Variants in SPAG16 observed in about 807,000 individuals in gnomAD.
SPAG16 encodes the protein sperm associated antigen 16.
Under a neutral mutation model 80.4 loss-of-function variants are expected in SPAG16, and 86 were observed. The ratio of observed to expected loss-of-function variants is 1.07; its 90% CI spans 0.90 to 1.28. The LOEUF (loss-of-function observed/expected upper bound fraction) is 1.28, where lower values mean the gene tolerates loss of function less well. Among genes scored for constraint, SPAG16 ranks in the 50% most tolerant of loss-of-function variants. The pLI is 0.00. For synonymous variants in SPAG16, 294 were observed against 265.9 expected, an observed-to-expected ratio of 1.11 and a Z score of -1.03; for missense variants, 870 against 765.3, an observed-to-expected ratio of 1.14 and a Z score of -1.61.
intron 10 of SPAG16, among the ~76,000 whole-genome samples, chr2:213,764,159 G>A (rs1157204676): frequency 6.6e-6 from 1 of 152,140 alleles, no homozygotes; most frequent in African/African-American, 2.4e-5. Context: ...GAAAAATGCT[G>A]ACTATGTAAA....
At chr2:214,074,015 G>A (rs1376745110) in intron 13 of SPAG16, among the ~76,000 whole-genome samples, 1 of 152,122 alleles carries the variant, frequency 6.6e-6, no homozygotes, top group Non-Finnish European at 1.5e-5. Flanking sequence ...TAGGAGTGAG[G>A]CTATTGGGAG....
intron 10 of SPAG16, among the ~76,000 whole-genome samples, chr2:213,497,275 G>T (rs1297094864): frequency 6.6e-6 from 1 of 151,924 alleles, no homozygotes; most frequent in African/African-American, 2.4e-5. Context: ...TCTTTTTGGG[G>T]TGTGTTCTAT....
intron 10 of SPAG16, among the ~76,000 whole-genome samples, chr2:213,643,767 C>CTTTTTTTT (rs71063764): frequency 1.2e-4 from 6 of 52,028 alleles, no homozygotes; most frequent in African/African-American, 2.6e-4. Flanking sequence ...CTCACTACTT[C>CTTTTTTTT]TTTTTTTTTT....
chr2:213,622,914 G>T (rs1033438158), intron 10 of SPAG16, among the ~76,000 whole-genome samples: 1 of 152,106 alleles, frequency 6.6e-6, no homozygotes, highest in East Asian at 1.9e-4. Flanking sequence ...TTGATGCATC[G>T]ATTTGAATAA....
chr2:213,969,292 G>A (rs143114963), intron 12 of SPAG16, among the ~76,000 whole-genome samples: 1 of 152,318 alleles, frequency 6.6e-6, no homozygotes, highest in East Asian at 1.9e-4. Flanking sequence ...ATTATGGCTG[G>A]TTGATACCTA....
At chr2:214,178,813 T>C (rs1415584318) in intron 15 of SPAG16, among the ~76,000 whole-genome samples, 1 of 151,362 alleles carries the variant, frequency 6.6e-6, no homozygotes, top group African/African-American at 2.4e-5. Context: ...AGAAACATAT[T>C]TTGAAAATGT....
intron 11 of SPAG16, among the ~76,000 whole-genome samples, chr2:213,904,253 A>G (rs1486500882): frequency 6.6e-6 from 1 of 152,200 alleles, no homozygotes; most frequent in African/African-American, 2.4e-5. Context: ...CTACTGATAA[A>G]GACATACTGG....
rs869276304 is a variant in SPAG16 at position 213,869,280 on chromosome 2, T to TATATACAC, written c.1214+6652_1214+6653insATATACAC. 8.1e-4 allele frequency among the ~76,000 whole-genome samples: 91 copies of TATATACAC among 112,438 alleles called. 1 individual carries two copies. The highest frequency in any genetic ancestry group is 3.1e-3 in the South Asian group (9 of 2,880). 73.8% of individuals were successfully genotyped at this position (112,438 alleles called of 152,430 possible). A position where few individuals can be genotyped will look rare whatever the true frequency, so the allele number is the denominator to read the frequency against. ...AAAAAAAAAAATATATATATATATA[T>TATATACAC]GTATATATATATGTATATATATATA... is the stretch of plus-strand genomic sequence containing the variant. On this transcript the variant is annotated intron_variant, in intron 11 of 15. Transcript: ENST00000331683.
At chr2:213,304,751 TAC>T (rs2062872825) in intron 3 of SPAG16, among the ~76,000 whole-genome samples, 1 of 152,184 alleles carries the variant, frequency 6.6e-6, no homozygotes, top group African/African-American at 2.4e-5. Context: ...TTTATACTAG[TAC>T]CATACTGTTT....
intron 7 of SPAG16, among the ~76,000 whole-genome samples, chr2:213,355,902 C>T (rs2065622617): frequency 6.6e-6 from 1 of 152,124 alleles, no homozygotes; most frequent in Non-Finnish European, 1.5e-5. Flanking sequence ...CAACTTCCAA[C>T]TATGTTGAAT....
intron 11 of SPAG16, among the ~76,000 whole-genome samples, chr2:213,883,174 A>G (rs899806743): frequency 2.6e-5 from 4 of 152,230 alleles, no homozygotes; most frequent in African/African-American, 9.6e-5. Context: ...AACAGACTGC[A>G]TTAGTTACAT....
chr2:213,413,408 G>A (rs2069092786), intron 9 of SPAG16, among the ~76,000 whole-genome samples: 1 of 152,090 alleles, frequency 6.6e-6, no homozygotes, highest in Non-Finnish European at 1.5e-5. Flanking sequence ...GTGTGCATAT[G>A]TGTCTATGTG....
intron 15 of SPAG16, among the ~76,000 whole-genome samples, chr2:214,170,623 A>G (rs1342202101): frequency 6.6e-6 from 1 of 152,066 alleles, no homozygotes. Context: ...TAAGCCTTTT[A>G]TTTATGCTAT....
chr2:213,471,154 C>A (rs2073056443), intron 9 of SPAG16, among the ~76,000 whole-genome samples: 1 of 152,282 alleles, frequency 6.6e-6, no homozygotes, highest in East Asian at 1.9e-4. Context: ...GTATATTGTG[C>A]AGAACCATCT....
intron 15 of SPAG16, among the ~76,000 whole-genome samples, chr2:214,169,658 T>C (rs1209651680): frequency 6.6e-6 from 1 of 152,096 alleles, no homozygotes; most frequent in Non-Finnish European, 1.5e-5. Context: ...TATTCTCTTC[T>C]TAGAGACATA....
At chr2:214,104,209 G>C (rs1434900357) in intron 13 of SPAG16, among the ~76,000 whole-genome samples, 3 of 152,230 alleles carry the variant, frequency 2.0e-5, no homozygotes, top group African/African-American at 7.2e-5. Flanking sequence ...GAAAATATTC[G>C]AGGAACACAG....
chr2:213,597,092 C>T (rs2060909157), intron 10 of SPAG16, among the ~76,000 whole-genome samples: 1 of 152,144 alleles, frequency 6.6e-6, no homozygotes, highest in Non-Finnish European at 1.5e-5. Flanking sequence ...GAATATGCCT[C>T]AGCAGAAGTG....
At chr2:213,698,525 ACT>A (rs1308211862) in intron 10 of SPAG16, among the ~76,000 whole-genome samples, 1 of 151,522 alleles carries the variant, frequency 6.6e-6, no homozygotes, top group Admixed American at 6.6e-5. Flanking sequence ...GCCTCCCAAA[ACT>A]CTGAGATCAT....
chr2:213,897,293 A>T (rs1309599867), intron 11 of SPAG16, among the ~76,000 whole-genome samples: 1 of 152,176 alleles, frequency 6.6e-6, no homozygotes, highest in Non-Finnish European at 1.5e-5. Context: ...ACTTACAAGT[A>T]TGAGTTTATT....
Sources: allele counts gnomAD v4.1 joint callset (sites outside exome capture counted in the v4.1 genomes callset), GRCh38; gene constraint gnomAD v4.1.1; transcripts MANE v1.5; gene names NCBI Gene and HGNC (gene_info 2026-07-23, HGNC 2026-07-21).